Variants in STIM2 observed in about 807,000 individuals in gnomAD.
STIM2 encodes stromal interaction molecule 2.
STIM2 carries 31 observed loss-of-function variants against 85.8 expected under a neutral mutation model. That is an observed-to-expected ratio of 0.36 (90% CI 0.27 to 0.49). The LOEUF is 0.49. Among genes scored for constraint, STIM2 ranks in the 20% least tolerant of loss-of-function variants. The pLI is 0.98. For missense variants in STIM2, 841 were observed against 927.6 expected (o/e 0.91, Z 1.21); for synonymous variants, 356 against 331.1 (o/e 1.08, Z -0.82).
intron 3 of STIM2, among the ~76,000 whole-genome samples, chr4:26,981,280 A>G (rs145988561): frequency 7.6e-4 from 115 of 152,290 alleles, no homozygotes; most frequent in African/African-American, 2.6e-3. Flanking sequence ...CAACAAGTAT[A>G]TAGAGTTTAG....
chr4:26,892,810 C>A (rs1723546516), intron 1 of STIM2, among the ~76,000 whole-genome samples: 1 of 152,110 alleles, frequency 6.6e-6, no homozygotes, highest in Non-Finnish European at 1.5e-5. Flanking sequence ...ATCTTGCTAG[C>A]TAAAAACAAA....
intron 1 of STIM2, among the ~76,000 whole-genome samples, chr4:26,878,872 C>CTCATGAGAACTCCCTCACTA (rs1290296323): frequency 1.3e-5 from 2 of 152,106 alleles, no homozygotes; most frequent in Admixed American, 1.3e-4. Flanking sequence ...ACTATCGGCT[C>CTCATGAGAACTCCCTCACTA]TCATGAGAAC....
At chr4:26,986,295 A>G (rs1217469171) in intron 3 of STIM2, among the ~76,000 whole-genome samples, 1 of 152,230 alleles carries the variant, frequency 6.6e-6, no homozygotes, top group East Asian at 1.9e-4. Flanking sequence ...ATGTCTCTAC[A>G]TACACAAAAA....
intron 3 of STIM2, among the ~76,000 whole-genome samples, chr4:26,990,422 G>T (rs977861221): frequency 3.9e-5 from 6 of 152,106 alleles, no homozygotes; most frequent in African/African-American, 1.4e-4. Context: ...AATGAATCTA[G>T]ATCTCTACCA....
intron 3 of STIM2, among the ~76,000 whole-genome samples, chr4:26,992,405 A>G (rs1486065754): frequency 2.6e-5 from 4 of 152,086 alleles, no homozygotes; most frequent in Non-Finnish European, 4.4e-5. Flanking sequence ...TGCTATGCAT[A>G]AAAGCTACTA....
chr4:26,958,873 C>G (rs549335371), intron 3 of STIM2, among the ~76,000 whole-genome samples: 4 of 152,168 alleles, frequency 2.6e-5, no homozygotes, highest in South Asian at 2.1e-4. Context: ...AGGTGGAGAT[C>G]CATTACAGAG....
intron 4 of STIM2, 71 bp downstream of exon 4, chr4:26,995,561 T>A (rs1727929754): frequency 1.1e-6 from 1 of 900,526 alleles, no homozygotes; most frequent in South Asian, 2.2e-5. Context: ...TTCCCCATAC[T>A]GAATCTACAA....
At chr4:26,929,187 T>G (rs1184216153) in intron 2 of STIM2, among the ~76,000 whole-genome samples, 1 of 152,194 alleles carries the variant, frequency 6.6e-6, no homozygotes, top group Non-Finnish European at 1.5e-5. Flanking sequence ...ATATTAAAAT[T>G]TACTTCCTTT....
At chr4:26,932,771 A>C (rs1725250419) in intron 2 of STIM2, among the ~76,000 whole-genome samples, 1 of 152,192 alleles carries the variant, frequency 6.6e-6, no homozygotes, top group South Asian at 2.1e-4. Flanking sequence ...ACTTGTCAAC[A>C]ACAGAAAAAT....
chr4:26,999,358 T>A lies in STIM2; in HGVS notation c.625+11T>A. 6.5e-7 allele frequency: 1 copy of A among 1,542,314 alleles called. No homozygotes were observed. Among genetic ancestry groups the A allele is most frequent in the Non-Finnish European group, 8.9e-7 (1 of 1,126,860 alleles). On this transcript the variant is annotated intron_variant, in intron 5 of 11. Coordinates refer to ENST00000467087, the MANE Select transcript of STIM2 (RefSeq NM_020860.4). ...TTGGACCTCTAACACGTTAGTATTC[T>A]CTCTCACTCAGAGGATGATGTAAAA...
chr4:26,912,899 G>A (rs994826748), intron 1 of STIM2, among the ~76,000 whole-genome samples: 8 of 152,160 alleles, frequency 5.3e-5, no homozygotes, highest in African/African-American at 1.9e-4. Context: ...GCAGAGGACA[G>A]TTCTTTGTTG....
At chr4:27,005,971 G>A (rs1728318933) in intron 7 of STIM2, among the ~76,000 whole-genome samples, 1 of 152,174 alleles carries the variant, frequency 6.6e-6, no homozygotes, top group African/African-American at 2.4e-5. Flanking sequence ...CTGAGAAGAA[G>A]GGCTTGCGGA....
intron 5 of STIM2, among the ~76,000 whole-genome samples, chr4:27,000,451 T>TG (rs1349427093): frequency 6.6e-6 from 1 of 152,202 alleles, no homozygotes; most frequent in African/African-American, 2.4e-5. Context: ...CTGAATCCAT[T>TG]GGGGGATTGT....
chr4:26,912,322 C>A (rs1014900704), intron 1 of STIM2, among the ~76,000 whole-genome samples: 4 of 152,210 alleles, frequency 2.6e-5, no homozygotes, highest in Middle Eastern at 3.4e-3. Flanking sequence ...GGCTCCCCTT[C>A]TTAGTTGTTC....
chr4:26,948,552 A>G (rs1276250281), intron 2 of STIM2, among the ~76,000 whole-genome samples: 1 of 152,230 alleles, frequency 6.6e-6, no homozygotes, highest in Non-Finnish European at 1.5e-5. Context: ...GCTTGAGCCC[A>G]GGAGTTCGAG....
chr4:26,863,923 C>A (rs1254098114), intron 1 of STIM2, among the ~76,000 whole-genome samples: 1 of 152,054 alleles, frequency 6.6e-6, no homozygotes, highest in African/African-American at 2.4e-5. Context: ...TTTAGAAGCT[C>A]CCTAAGAGTT....
chr4:26,913,309 G>T (rs1221376112), intron 1 of STIM2, among the ~76,000 whole-genome samples: 1 of 151,694 alleles, frequency 6.6e-6, no homozygotes, highest in African/African-American at 2.4e-5. Context: ...ACTATGTATA[G>T]TAACTATACA....
At chr4:26,981,973 T>C (rs932419095) in intron 3 of STIM2, among the ~76,000 whole-genome samples, 1 of 151,924 alleles carries the variant, frequency 6.6e-6, no homozygotes, top group African/African-American at 2.4e-5. Context: ...GTAATTCTTT[T>C]TTTTTTTTGG....
intron 2 of STIM2, among the ~76,000 whole-genome samples, chr4:26,947,304 G>A (rs1298189518): frequency 6.6e-6 from 1 of 151,916 alleles, no homozygotes; most frequent in East Asian, 1.9e-4. Context: ...TTTTACATAC[G>A]AAATACAAAT....
Sources: allele counts gnomAD v4.1 joint callset (sites outside exome capture counted in the v4.1 genomes callset), GRCh38; gene constraint gnomAD v4.1.1; transcripts MANE v1.5; gene names NCBI Gene and HGNC (gene_info 2026-07-23, HGNC 2026-07-21).